ABTB2: variants seen among roughly 807,000 people sequenced by gnomAD.
ABTB2 encodes ankyrin repeat and BTB/POZ domain-containing protein 2.
In ABTB2, 56 loss-of-function variants were observed where a neutral mutation model predicts 104.1. The ratio of observed to expected loss-of-function variants is 0.54; its 90% CI spans 0.43 to 0.67. The LOEUF (loss-of-function observed/expected upper bound fraction) is 0.67. Ranked by LOEUF, ABTB2 falls within the 30% of genes least tolerant of loss-of-function variation. ABTB2 has a pLI of 0.00. For missense variants in ABTB2, 1,279 were observed against 1,407.7 expected, an observed-to-expected ratio of 0.91 and a Z score of 1.46; for synonymous variants, 606 against 608.2, an observed-to-expected ratio of 1.00 and a Z score of 0.05.
chr11:34,327,461 G>A (rs1478121340), intron 1 of ABTB2, among the ~76,000 whole-genome samples: 1 of 152,138 alleles, frequency 6.6e-6, no homozygotes, highest in African/African-American at 2.4e-5. Context: ...GGGAAACGTG[G>A]CCTGGCTCTC....
At chr11:34,327,451 G>A (rs1159811758) in intron 1 of ABTB2, among the ~76,000 whole-genome samples, 2 of 152,148 alleles carry the variant, frequency 1.3e-5, no homozygotes, top group African/African-American at 4.8e-5. Context: ...CCAGTAGCAG[G>A]GGAAACGTGG....
At chr11:34,200,139 A>C (rs1381579411) in intron 2 of ABTB2, among the ~76,000 whole-genome samples, 1 of 152,224 alleles carries the variant, frequency 6.6e-6, no homozygotes, top group African/African-American at 2.4e-5. Flanking sequence ...CCGTTTCTCC[A>C]GGTCTAAATG....
intron 1 of ABTB2, among the ~76,000 whole-genome samples, chr11:34,316,260 A>G (rs947955847): frequency 6.6e-6 from 1 of 152,230 alleles, no homozygotes; most frequent in African/African-American, 2.4e-5. Context: ...AGTGGCACGG[A>G]TCATACGGAC....
intron 1 of ABTB2, among the ~76,000 whole-genome samples, chr11:34,316,068 TG>T (rs1451907655): frequency 2.6e-5 from 4 of 152,266 alleles, no homozygotes; most frequent in Non-Finnish European, 5.9e-5. Context: ...TGGGATCAAG[TG>T]GCCAGGGTTG....
intron 3 of ABTB2, among the ~76,000 whole-genome samples, chr11:34,191,723 A>G (rs1180349398): frequency 6.6e-6 from 1 of 152,152 alleles, no homozygotes; most frequent in Non-Finnish European, 1.5e-5. Context: ...AACCCAGCCA[A>G]TCACAAATAG....
intron 1 of ABTB2, among the ~76,000 whole-genome samples, chr11:34,306,650 G>C (rs568820486): frequency 6.6e-6 from 1 of 151,922 alleles, no homozygotes; most frequent in Non-Finnish European, 1.5e-5. Flanking sequence ...CTTGAGCCCA[G>C]GAGTGTGAGG....
chr11:34,211,282 A>G (rs1853477512), intron 1 of ABTB2, among the ~76,000 whole-genome samples: 1 of 151,998 alleles, frequency 6.6e-6, no homozygotes, highest in Admixed American at 6.6e-5. Context: ...TAATTTTTGT[A>G]TTTTTTGGAG....
At chr11:34,292,481 C>T (rs372561328) in intron 1 of ABTB2, among the ~76,000 whole-genome samples, 12 of 152,190 alleles carry the variant, frequency 7.9e-5, no homozygotes, top group African/African-American at 2.2e-4. Context: ...TACTGTGGTC[C>T]GAATCCAGTC....
chr11:34,238,255 C>T (rs1216940631), intron 1 of ABTB2, among the ~76,000 whole-genome samples: 1 of 152,256 alleles, frequency 6.6e-6, no homozygotes, highest in East Asian at 1.9e-4. Flanking sequence ...ATGGCTAGGT[C>T]CCTCACGACC....
intron 1 of ABTB2, among the ~76,000 whole-genome samples, chr11:34,355,294 C>T (rs987502120): frequency 2.8e-4 from 42 of 152,144 alleles, no homozygotes; most frequent in African/African-American, 9.2e-4. Flanking sequence ...CAACAACAAA[C>T]CAGAAAAACA....
chr11:34,272,434 G>A (rs960166676), intron 1 of ABTB2, among the ~76,000 whole-genome samples: 3 of 151,960 alleles, frequency 2.0e-5, no homozygotes, highest in African/African-American at 4.8e-5. Context: ...CAGGCCAAGC[G>A]TGGTGGCTCA....
intron 1 of ABTB2, among the ~76,000 whole-genome samples, chr11:34,291,806 AT>A (rs769141691): frequency 6.6e-6 from 1 of 151,834 alleles, no homozygotes; most frequent in African/African-American, 2.4e-5. Context: ...TGATATGTTT[AT>A]TTTTTTAATT....
Position 34,162,685 on chromosome 11 carries a change from G to T in ABTB2, c.2109C>A (p.Ser703Arg). The T allele has an allele frequency of 6.2e-7, 1 of 1,612,924 alleles. No homozygotes were observed. The stretch of plus-strand genomic sequence containing the variant: ...TCCGGCTCAGCCGCACGGGCCCCTC[G>T]CTGCCACTGCCCTGGCTCGACGCAT... ...ESDASSQGSG[S>R]EGPVRLSRTR... is the part of the protein sequence containing the mutation. Residue 703 changes from serine (S) to arginine (R), a missense_variant, in exon 10 of 17, where the codon AGC (serine) becomes AGA (arginine). Coordinates refer to ENST00000435224, the MANE Select transcript of ABTB2 (RefSeq NM_145804.3).
intron 1 of ABTB2, chr11:34,335,831 C>T: frequency 2.3e-6 from 3 of 1,298,332 alleles, no homozygotes; most frequent in Non-Finnish European, 3.3e-6. Context: ...ATAGTTTCAT[C>T]AGGCCACACC....
At chr11:34,346,546 C>T (rs1348922253) in intron 1 of ABTB2, among the ~76,000 whole-genome samples, 1 of 152,100 alleles carries the variant, frequency 6.6e-6, no homozygotes, top group Non-Finnish European at 1.5e-5. Flanking sequence ...ATTACCAAGC[C>T]AGGTCTTCAA....
intron 13 of ABTB2, 98 bp downstream of exon 13, chr11:34,159,808 A>G (rs956016988): frequency 1.8e-5 from 17 of 946,698 alleles, no homozygotes; most frequent in Middle Eastern, 3.1e-4. Flanking sequence ...CAGAGGCTGC[A>G]GGGTACAGCC....
chr11:34,341,223 G>C (rs6484707), intron 1 of ABTB2, among the ~76,000 whole-genome samples: 90,740 of 152,094 alleles, frequency 0.6, 29,328 homozygotes, highest in East Asian at 0.88. Context: ...ATTTTGCTGA[G>C]GAGGAAACAA....
intron 3 of ABTB2, among the ~76,000 whole-genome samples, chr11:34,182,371 C>T (rs1459136829): frequency 2.6e-5 from 4 of 152,142 alleles, no homozygotes; most frequent in African/African-American, 9.6e-5. Flanking sequence ...GGGCATGGTT[C>T]CCTCTTCGGA....
At chr11:34,223,806 T>C (rs886826022) in intron 1 of ABTB2, among the ~76,000 whole-genome samples, 1 of 152,226 alleles carries the variant, frequency 6.6e-6, no homozygotes, top group Non-Finnish European at 1.5e-5. Flanking sequence ...TCAAGTCAAC[T>C]GCCAGAGGGT....
Sources: allele counts gnomAD v4.1 joint callset (sites outside exome capture counted in the v4.1 genomes callset), GRCh38; gene constraint gnomAD v4.1.1; transcripts MANE v1.5; gene names NCBI Gene and HGNC (gene_info 2026-07-23, HGNC 2026-07-21).